The following SPIDR variants were observed in gnomAD, a reference collection of about 807,000 sequenced individuals.
The protein encoded by SPIDR is scaffold protein involved in DNA repair, also known as DNA repair-scaffolding protein.
Under a neutral mutation model 104.6 loss-of-function variants are expected in SPIDR, and 93 were observed. The ratio of observed to expected loss-of-function variants is 0.89; its 90% CI spans 0.75 to 1.06. SPIDR has a LOEUF of 1.06. SPIDR is among the 50% of genes least tolerant of loss of function. SPIDR has a pLI of 0.00. For missense variants in SPIDR, 1,154 were observed against 1,111.2 expected, an observed-to-expected ratio of 1.04 and a Z score of -0.55; for synonymous variants, 431 against 416.9, an observed-to-expected ratio of 1.03 and a Z score of -0.41.
chr8:47,688,016 A>AGTGTGTGT (rs141582845), intron 11 of SPIDR, among the ~76,000 whole-genome samples: 50,713 of 145,480 alleles, frequency 0.35, 9,118 homozygotes, highest in East Asian at 0.56. Flanking sequence ...AAAAAAAAAA[A>AGTGTGTGT]GTGTGTGTGT....
At position 47,629,331 on chromosome 8, in the gene SPIDR, A is replaced by G. The variant is rs954613191; in HGVS notation, c.1544+30135A>G. Among the ~76,000 whole-genome samples, 3 of 152,200 alleles carry G rather than the reference A, an allele frequency of 2.0e-5. 1 individual carries two copies. Among genetic ancestry groups the G allele is most frequent in the Non-Finnish European group, 4.4e-5 (3 of 68,038 alleles). On this transcript the variant is annotated intron_variant, in intron 10 of 19. Coordinates refer to ENST00000297423, the MANE Select transcript of SPIDR (RefSeq NM_001080394.4). The stretch of plus-strand genomic sequence containing the variant: ...TTTATTTTATTTATACATAGCAGGT[A>G]TTGGCAAGCATATTATTTTAGGCTT...
At chr8:47,383,501 G>C (rs1587994283) in intron 5 of SPIDR, among the ~76,000 whole-genome samples, 1 of 152,320 alleles carries the variant, frequency 6.6e-6, no homozygotes, top group East Asian at 1.9e-4. Flanking sequence ...ATTTGCCAGA[G>C]CATTTCATCA....
At chr8:47,503,740 T>C (rs2080969134) in intron 8 of SPIDR, among the ~76,000 whole-genome samples, 2 of 152,248 alleles carry the variant, frequency 1.3e-5, no homozygotes, top group Admixed American at 1.3e-4. Flanking sequence ...CTATAGTCTT[T>C]ACAATTTGGC....
intron 10 of SPIDR, among the ~76,000 whole-genome samples, chr8:47,632,773 A>G (rs950293204): frequency 2.1e-4 from 32 of 152,136 alleles, no homozygotes; most frequent in Non-Finnish European, 4.3e-4. Context: ...GGAACTAATG[A>G]ATAAAGCACA....
In SPIDR at chr8:47,705,182, G is replaced by T. The variant is rs566606527; in HGVS notation, c.1977+3167G>T. On this transcript the variant is annotated intron_variant, in intron 14 of 19. Coordinates refer to ENST00000297423, the MANE Select transcript of SPIDR (RefSeq NM_001080394.4). ...AGTTGGAGGGGAGCTCTGGGGCAGA[G>T]AAAGACCAAGAGTGAAGCAGGTCAT... 5.3e-5 allele frequency among the ~76,000 whole-genome samples: 8 copies of T among 152,346 alleles called. No individual in the cohort carries two copies. In the South Asian group the frequency reaches 1.7e-3, roughly 32 times the overall value.
intron 10 of SPIDR, among the ~76,000 whole-genome samples, chr8:47,651,560 A>G (rs1397261702): frequency 6.6e-6 from 1 of 152,230 alleles, no homozygotes; most frequent in East Asian, 1.9e-4. Context: ...AAGAGCTAAA[A>G]GTAGATCTGC....
chr8:47,641,758 A>C (rs1359961299), intron 10 of SPIDR, among the ~76,000 whole-genome samples: 1 of 152,178 alleles, frequency 6.6e-6, no homozygotes, highest in African/African-American at 2.4e-5. Flanking sequence ...ACTGCCTGAC[A>C]TAGAAGCCCA....
At chr8:47,427,908 C>T (rs941023033) in intron 7 of SPIDR, among the ~76,000 whole-genome samples, 2 of 151,836 alleles carry the variant, frequency 1.3e-5, no homozygotes, top group South Asian at 2.1e-4. Flanking sequence ...TTGGGGTCGG[C>T]GATTTCTTTT....
At chr8:47,398,226 T>C (rs908005198) in intron 6 of SPIDR, among the ~76,000 whole-genome samples, 5 of 152,150 alleles carry the variant, frequency 3.3e-5, no homozygotes. Flanking sequence ...TTGGTGAAGG[T>C]GATGCCATGC....
rs935003689 is a variant in SPIDR at position 47,309,058 on chromosome 8, C to T, written c.525+15028C>T. On this transcript the variant is annotated intron_variant, in intron 5 of 19. Transcript: ENST00000297423. ...CACATGCGTGGTGCTTCCTACTCCA[C>T]CATCTTCCCAGAATCCTCTGATTGC... 2.7e-5 allele frequency among the ~76,000 whole-genome samples: 4 copies of T among 150,718 alleles called. No homozygotes were observed. The East Asian group carries it at 7.7e-4, about 29-fold the overall frequency.
At chr8:47,517,310 C>A (rs1417162278) in intron 8 of SPIDR, among the ~76,000 whole-genome samples, 1 of 151,992 alleles carries the variant, frequency 6.6e-6, no homozygotes, top group Non-Finnish European at 1.5e-5. Context: ...TTCTGAAATA[C>A]CCCCACTTAA....
intron 5 of SPIDR, among the ~76,000 whole-genome samples, chr8:47,298,324 G>C (rs1297532258): frequency 1.3e-5 from 2 of 152,034 alleles, no homozygotes; most frequent in African/African-American, 4.8e-5. Context: ...TTGTAAATTT[G>C]TTTGAGTTCA....
At chr8:47,388,453 G>A (rs1370750871) in intron 5 of SPIDR, 2 of 154,182 alleles carry the variant, frequency 1.3e-5, no homozygotes, top group African/African-American at 4.8e-5. Context: ...AGTAACTTAA[G>A]ATGAAGTTGA....
intron 5 of SPIDR, among the ~76,000 whole-genome samples, chr8:47,303,085 C>T (rs893502754): frequency 3.9e-5 from 6 of 152,300 alleles, no homozygotes; most frequent in East Asian, 3.9e-4. Flanking sequence ...AGCTGTGGTG[C>T]GCTCCACCCA....
At position 47,313,097 on chromosome 8, in the gene SPIDR, A is replaced by G. The variant is rs587712340; in HGVS notation, c.525+19067A>G. 2.0e-4 allele frequency among the ~76,000 whole-genome samples: 30 copies of G among 152,320 alleles called. No homozygotes were observed. The South Asian group carries it at 3.9e-3, about 20-fold the overall frequency. ...AGGAGAAGGAAATAAAGGGTATTCA[A>G]TTAGGAAAAGAGGAAGTCAAATTGT... On this transcript the variant is annotated intron_variant, in intron 5 of 19. Transcript: ENST00000297423.
intron 14 of SPIDR, 115 bp from the exon 15 acceptor site, chr8:47,712,547 A>T: frequency 8.5e-7 from 1 of 1,180,972 alleles, no homozygotes; most frequent in Non-Finnish European, 1.2e-6. Context: ...TATGTTTTAA[A>T]GTGTTTTTGA....
chr8:47,634,581 G>T (rs1045420519), intron 10 of SPIDR, among the ~76,000 whole-genome samples: 13 of 152,212 alleles, frequency 8.5e-5, no homozygotes, highest in Non-Finnish European at 1.5e-4. Context: ...CCTGAAATTA[G>T]TAAGGATGTT....
chr8:47,343,419 G>T (rs1563680752), intron 5 of SPIDR, among the ~76,000 whole-genome samples: 1 of 152,094 alleles, frequency 6.6e-6, no homozygotes, highest in Non-Finnish European at 1.5e-5. Flanking sequence ...AGTGGAGGGT[G>T]TGAAACAGGG....
chr8:47,610,893 A>C (rs879742023), intron 10 of SPIDR, among the ~76,000 whole-genome samples: 9 of 152,220 alleles, frequency 5.9e-5, no homozygotes, highest in African/African-American at 2.2e-4. Context: ...CCAGGTATTA[A>C]ACATTGCACT....
Sources: allele counts gnomAD v4.1 joint callset (sites outside exome capture counted in the v4.1 genomes callset), GRCh38; gene constraint gnomAD v4.1.1; transcripts MANE v1.5; gene names NCBI Gene and HGNC (gene_info 2026-07-23, HGNC 2026-07-21).